The following SNX29 variants were observed in gnomAD, a reference collection of about 807,000 sequenced individuals.
SNX29 encodes the protein sorting nexin-29.
In SNX29, 78 loss-of-function variants were observed where a neutral mutation model predicts 102.1. The observed-to-expected ratio is 0.76, with a 90% CI of 0.64 to 0.92. The LOEUF is 0.92. Among genes scored for constraint, SNX29 ranks in the 40% least tolerant of loss-of-function variants. SNX29 has a pLI of 0.00. For synonymous variants in SNX29, 580 were observed against 414.5 expected, an observed-to-expected ratio of 1.40 and a Z score of -4.85; for missense variants, 1,280 against 1,061.7, an observed-to-expected ratio of 1.21 and a Z score of -2.86.
intron 16 of SNX29, among the ~76,000 whole-genome samples, chr16:12,380,821 AT>A (rs1567503302): frequency 4.2e-4 from 17 of 40,960 alleles, no homozygotes; most frequent in Admixed American, 7.9e-4. Context: ...TCCACCCGCC[AT>A]CCATCCACCC....
rs551570376 is a variant in SNX29 at position 12,160,483 on chromosome 16, A to G, written c.1595+30725A>G. Among the ~76,000 whole-genome samples, 54 of 152,218 alleles carry G rather than the reference A, an allele frequency of 3.5e-4. 1 individual carries two copies. Among genetic ancestry groups the G allele is most frequent in the Admixed American group, 3.2e-3 (49 of 15,280 alleles). On this transcript the variant is annotated intron_variant, in intron 13 of 20. Transcript: ENST00000566228. ...TAACTTGGTGTTATTATATCATTCC[A>G]TTCCTGTGAAACATCTAGGATAAGC...
chr16:12,068,435 C>G (rs1186352412), intron 9 of SNX29, among the ~76,000 whole-genome samples: 1 of 146,950 alleles, frequency 6.8e-6, no homozygotes, highest in East Asian at 2.0e-4. Context: ...CTGCAGTGAG[C>G]CGTGATCACA....
At chr16:12,387,427 C>G (rs1215810663) in intron 16 of SNX29, among the ~76,000 whole-genome samples, 1 of 151,930 alleles carries the variant, frequency 6.6e-6, no homozygotes, top group African/African-American at 2.4e-5. Flanking sequence ...AAGTGGAGAA[C>G]AGGTTCCCAT....
intron 13 of SNX29, among the ~76,000 whole-genome samples, chr16:12,135,984 C>T (rs2054644559): frequency 6.6e-6 from 1 of 152,214 alleles, no homozygotes; most frequent in African/African-American, 2.4e-5. Context: ...CCAGACTTCC[C>T]TTCGTGTATG....
chr16:12,394,508 A>G (rs961285082), intron 16 of SNX29, among the ~76,000 whole-genome samples: 4 of 152,076 alleles, frequency 2.6e-5, no homozygotes, highest in African/African-American at 9.7e-5. Context: ...AAACTTGGCT[A>G]TTTTTTTATC....
At chr16:12,418,824 A>C (rs936001681) in intron 18 of SNX29, among the ~76,000 whole-genome samples, 1 of 152,066 alleles carries the variant, frequency 6.6e-6, no homozygotes, top group Admixed American at 6.6e-5. Flanking sequence ...CATGTTTCCA[A>C]GTTTTCTTCA....
chr16:12,503,158 C>G lies in SNX29; in HGVS notation c.2179-21544C>G, dbSNP rs182176457. 2.3e-3 allele frequency among the ~76,000 whole-genome samples: 353 copies of G among 152,228 alleles called. 2 individuals carry two copies. The highest frequency in any genetic ancestry group is 4.1e-3 in the Non-Finnish European group (276 of 67,974). ...TGCACACCCCCCTGCCCATACCCTGCTGGGTGCTGCCACCCACCACTGCTG... is the reference window on the plus strand; with the variant it reads ...TGCACACCCCCCTGCCCATACCCTGGTGGGTGCTGCCACCCACCACTGCTG... On this transcript the variant is annotated intron_variant, in intron 19 of 20. Coordinates refer to ENST00000566228, the MANE Select transcript of SNX29 (RefSeq NM_032167.5).
chr16:12,214,116 T>C (rs2077260513), intron 14 of SNX29, among the ~76,000 whole-genome samples: 1 of 141,974 alleles, frequency 7.0e-6, no homozygotes, highest in South Asian at 2.3e-4. Context: ...GTTTTATTTG[T>C]TCGACCTGAT....
chr16:12,278,561 C>T (rs1212125218), intron 15 of SNX29, among the ~76,000 whole-genome samples: 1 of 152,116 alleles, frequency 6.6e-6, no homozygotes, highest in African/African-American at 2.4e-5. Flanking sequence ...TAGAGGGTTT[C>T]ATGGTGATTT....
intron 16 of SNX29, among the ~76,000 whole-genome samples, chr16:12,369,205 G>T (rs968565847): frequency 3.3e-5 from 5 of 151,262 alleles, no homozygotes; most frequent in Admixed American, 3.3e-4. Flanking sequence ...GCTCGATCTC[G>T]GCTCACTACA....
chr16:11,988,846 TTA>T (rs2150981106), intron 1 of SNX29, among the ~76,000 whole-genome samples: 1 of 152,342 alleles, frequency 6.6e-6, no homozygotes, highest in East Asian at 1.9e-4. Flanking sequence ...TCAATTACTG[TTA>T]TCTATGGTTG....
chr16:12,567,102 T>G (rs1419237614), intron 20 of SNX29, among the ~76,000 whole-genome samples: 2 of 152,254 alleles, frequency 1.3e-5, no homozygotes, highest in Non-Finnish European at 2.9e-5. Context: ...ATGATTTCTT[T>G]ATGAATGCAA....
At chr16:12,512,052 C>T (rs1314318692) in intron 19 of SNX29, among the ~76,000 whole-genome samples, 4 of 151,780 alleles carry the variant, frequency 2.6e-5, no homozygotes, top group East Asian at 1.9e-4. Flanking sequence ...GGCCTTGCAG[C>T]GGATGGGATG....
intron 13 of SNX29, among the ~76,000 whole-genome samples, chr16:12,161,256 A>T (rs2055773641): frequency 6.6e-6 from 1 of 152,114 alleles, no homozygotes; most frequent in Admixed American, 6.5e-5. Context: ...TTCCCCTCGG[A>T]TTTTCTTTCC....
At chr16:12,298,481 C>A (rs1411951123) in intron 15 of SNX29, among the ~76,000 whole-genome samples, 1 of 152,210 alleles carries the variant, frequency 6.6e-6, no homozygotes, top group East Asian at 1.9e-4. Context: ...AAGTTATTAA[C>A]CTCTCTGAGC....
chr16:12,495,149 C>G (rs1375232324), intron 19 of SNX29, among the ~76,000 whole-genome samples: 1 of 152,076 alleles, frequency 6.6e-6, no homozygotes, highest in Non-Finnish European at 1.5e-5. Context: ...AATGGCAATT[C>G]TTTCGTTTTC....
chr16:12,570,189 T>G lies in SNX29; in HGVS notation c.*1560T>G, dbSNP rs932391298. On this transcript the variant is annotated 3_prime_UTR_variant, in exon 21 of 21. Coordinates refer to ENST00000566228, the MANE Select transcript of SNX29 (RefSeq NM_032167.5). ...CCACCCCAGAGAAACCGAGTCAGCC[T>G]ACATGACTTCCAAGGGGACCTGGGG... The G allele has an allele frequency of 2.7e-5, 29 of 1,064,908 alleles. No individual in the cohort carries two copies. The African/African-American group carries it at 4.3e-4, about 16-fold the overall frequency. 66.0% of individuals were successfully genotyped at this position (1,064,908 alleles called of 1,614,324 possible).
At chr16:12,441,041 A>T (rs1241658155) in intron 18 of SNX29, among the ~76,000 whole-genome samples, 2 of 150,688 alleles carry the variant, frequency 1.3e-5, no homozygotes, top group Non-Finnish European at 2.9e-5. Context: ...ACTTAGCGTA[A>T]TATCCTCAAG....
chr16:12,557,448 T>A (rs1322552854), intron 20 of SNX29: 2 of 152,108 alleles, frequency 1.3e-5, no homozygotes, highest in Admixed American at 6.5e-5. Flanking sequence ...TGCAACCTCC[T>A]CCTCCTGGGT....
Sources: allele counts gnomAD v4.1 joint callset (sites outside exome capture counted in the v4.1 genomes callset), GRCh38; gene constraint gnomAD v4.1.1; transcripts MANE v1.5; gene names NCBI Gene and HGNC (gene_info 2026-07-23, HGNC 2026-07-21).